The following MDGA2 variants were observed in gnomAD, a reference collection of about 807,000 sequenced individuals.
The protein encoded by MDGA2 is MAM domain containing glycosylphosphatidylinositol anchor 2.
Under a neutral mutation model 117.8 loss-of-function variants are expected in MDGA2, and 40 were observed. The observed-to-expected ratio is 0.34, with a 90% CI of 0.26 to 0.44. The LOEUF (loss-of-function observed/expected upper bound fraction) is 0.44, where lower values mean the gene tolerates loss of function less well. MDGA2 is among the 20% of genes least tolerant of loss of function. MDGA2 has a pLI of 1.00. For synonymous variants in MDGA2, 452 were observed against 439.0 expected, an observed-to-expected ratio of 1.03 and a Z score of -0.37; for missense variants, 1,123 against 1,250.6, an observed-to-expected ratio of 0.90 and a Z score of 1.54.
intron 6 of MDGA2, among the ~76,000 whole-genome samples, chr14:47,087,460 C>CAAAAAAAAAAAAAA (rs749371957): frequency 1.5e-5 from 1 of 67,970 alleles, no homozygotes; most frequent in African/African-American, 5.5e-5. Flanking sequence ...GACTCCACAT[C>CAAAAAAAAAAAAAA]AAAAAAAAAA....
chr14:46,946,217 T>G (rs1885168149), intron 9 of MDGA2, among the ~76,000 whole-genome samples: 1 of 152,136 alleles, frequency 6.6e-6, no homozygotes, highest in Non-Finnish European at 1.5e-5. Context: ...TCATTAGTAG[T>G]GCTCTATATA....
intron 1 of MDGA2, among the ~76,000 whole-genome samples, chr14:47,662,019 G>C (rs1204312937): frequency 6.6e-6 from 1 of 152,082 alleles, no homozygotes; most frequent in Admixed American, 6.5e-5. Flanking sequence ...TTACAGGAGT[G>C]AGCCACCGCA....
At chr14:46,986,714 A>G (rs1351486475) in intron 8 of MDGA2, among the ~76,000 whole-genome samples, 1 of 152,058 alleles carries the variant, frequency 6.6e-6, no homozygotes, top group Non-Finnish European at 1.5e-5. Flanking sequence ...CACACTGGCA[A>G]ATTGTTTGTC....
chr14:47,075,930 A>G (rs1890474290), intron 6 of MDGA2, among the ~76,000 whole-genome samples: 1 of 152,134 alleles, frequency 6.6e-6, no homozygotes, highest in Non-Finnish European at 1.5e-5. Context: ...CTCCTATTAA[A>G]CTATTCTCCT....
intron 2 of MDGA2, among the ~76,000 whole-genome samples, chr14:47,283,089 C>A (rs1888555591): frequency 6.6e-6 from 1 of 152,048 alleles, no homozygotes; most frequent in Non-Finnish European, 1.5e-5. Context: ...ATGCTTATGG[C>A]TATTAATTTT....
intron 3 of MDGA2, among the ~76,000 whole-genome samples, chr14:47,168,285 A>C (rs1483639313): frequency 1.0e-4 from 9 of 88,412 alleles, no homozygotes; most frequent in African/African-American, 4.1e-4. Context: ...ACTCCATCTC[A>C]AAAAAAAAAA....
At chr14:47,123,232 A>G (rs1881738132) in intron 5 of MDGA2, among the ~76,000 whole-genome samples, 1 of 152,048 alleles carries the variant, frequency 6.6e-6, no homozygotes, top group South Asian at 2.1e-4. Context: ...ACATTTGAAT[A>G]AAGAAATACA....
In MDGA2 at chr14:47,225,179, T is replaced by G. The variant is rs368339330; in HGVS notation, c.421-6984A>C. ...AGGAAACAACAGGTGCTGGAGAGGA[T>G]GTGGAGAAATAGGAACACTTTTACA... On this transcript the variant is annotated intron_variant, in intron 2 of 16. Transcript: ENST00000399232. Among the ~76,000 whole-genome samples the G allele has an allele frequency of 2.8e-4, 43 of 152,078 alleles. 1 individual carries two copies. The East Asian group carries it at 6.4e-3, about 23-fold the overall frequency.
intron 1 of MDGA2, among the ~76,000 whole-genome samples, chr14:47,379,262 G>A (rs1891551734): frequency 1.3e-5 from 2 of 152,162 alleles, no homozygotes; most frequent in African/African-American, 4.8e-5. Flanking sequence ...GCAAAAACAT[G>A]CCAAATTGTA....
At chr14:46,932,473 A>G (rs1436038333) in intron 9 of MDGA2, among the ~76,000 whole-genome samples, 1 of 152,130 alleles carries the variant, frequency 6.6e-6, no homozygotes, top group African/African-American at 2.4e-5. Flanking sequence ...AATGATCTAA[A>G]TTTAAAAATC....
intron 1 of MDGA2, among the ~76,000 whole-genome samples, chr14:47,617,015 G>A (rs1015345191): frequency 7.9e-5 from 12 of 152,096 alleles, no homozygotes; most frequent in African/African-American, 2.9e-4. Flanking sequence ...CATCACTCAC[G>A]TATGTTCTAC....
intron 10 of MDGA2, among the ~76,000 whole-genome samples, chr14:46,909,602 C>G (rs535548287): frequency 6.6e-6 from 1 of 151,958 alleles, no homozygotes; most frequent in Non-Finnish European, 1.5e-5. Flanking sequence ...TACTAAGATA[C>G]CTTCTAATAT....
At chr14:47,156,233 C>G (rs1449757736) in intron 3 of MDGA2, among the ~76,000 whole-genome samples, 5 of 151,922 alleles carry the variant, frequency 3.3e-5, no homozygotes, top group Admixed American at 3.3e-4. Context: ...AGTTGTGTGT[C>G]CCTATTTTTC....
chr14:47,570,255 A>G (rs111502473), intron 1 of MDGA2, among the ~76,000 whole-genome samples: 255 of 152,268 alleles, frequency 1.7e-3, no homozygotes, highest in Non-Finnish European at 2.7e-3. Flanking sequence ...AGTATCCTCA[A>G]TATATTATAT....
chr14:47,638,287 G>T (rs989116578), intron 1 of MDGA2, among the ~76,000 whole-genome samples: 2 of 152,154 alleles, frequency 1.3e-5, no homozygotes, highest in African/African-American at 4.8e-5. Flanking sequence ...CAGGCAGAGA[G>T]AATTCAGGGG....
intron 12 of MDGA2, among the ~76,000 whole-genome samples, chr14:46,874,839 A>C (rs989061466): frequency 6.6e-6 from 1 of 151,800 alleles, no homozygotes; most frequent in Non-Finnish European, 1.5e-5. Flanking sequence ...TCGGATGCCT[A>C]ACGTATGTTG....
At chr14:47,648,409 A>G (rs1897576085) in intron 1 of MDGA2, among the ~76,000 whole-genome samples, 1 of 152,156 alleles carries the variant, frequency 6.6e-6, no homozygotes, top group Admixed American at 6.5e-5. Flanking sequence ...CAATGACAGT[A>G]TATGCCATTT....
At chr14:47,344,385 C>A (rs1409095214) in intron 1 of MDGA2, among the ~76,000 whole-genome samples, 1 of 152,076 alleles carries the variant, frequency 6.6e-6, no homozygotes, top group Non-Finnish European at 1.5e-5. Flanking sequence ...GCCAGGCAAA[C>A]CAGAGCCAAT....
chr14:47,003,256 T>C (rs189615954), intron 8 of MDGA2, among the ~76,000 whole-genome samples: 1 of 152,222 alleles, frequency 6.6e-6, no homozygotes, highest in Admixed American at 6.6e-5. Flanking sequence ...CAACCAAAGA[T>C]GCTATGTACC....
Sources: gnomAD v4.1 joint callset for allele counts (sites outside exome capture counted in the v4.1 genomes callset) on GRCh38, gnomAD v4.1.1 for gene constraint, MANE v1.5 for transcripts, NCBI Gene and HGNC (gene_info 2026-07-23, HGNC 2026-07-21) for gene names.